The following MRE11 variants were observed in gnomAD, a reference collection of about 807,000 sequenced individuals.
MRE11 encodes MRE11 double strand break repair nuclease.
Under a neutral mutation model 91.7 loss-of-function variants are expected in MRE11, and 62 were observed. The observed-to-expected ratio is 0.68, with a 90% confidence interval of 0.55 to 0.84. The LOEUF (loss-of-function observed/expected upper bound fraction) is 0.84. Among genes scored for constraint, MRE11 ranks in the 40% least tolerant of loss-of-function variants. The pLI, the probability that MRE11 is intolerant of heterozygous loss-of-function variation, is 0.00. For synonymous variants in MRE11, 273 were observed against 271.4 expected (o/e 1.01, Z -0.06); for missense variants, 796 against 852.9 (o/e 0.93, Z 0.83).
intron 14 of MRE11, 152 bp downstream of exon 14, chr11:94,456,124 A>T: frequency 1.5e-6 from 1 of 680,136 alleles, no homozygotes; most frequent in Admixed American, 2.5e-5. Flanking sequence ...TTGTAGGCTG[A>T]ACTGAAATCA....
chr11:94,425,160 C>A (rs774437727), intron 19 of MRE11, among the ~76,000 whole-genome samples: 30 of 152,184 alleles, frequency 2.0e-4, no homozygotes, highest in Admixed American at 3.3e-4. Flanking sequence ...TCGGCAGAAA[C>A]CTTACAAGCC....
the MRE11 span, among the ~76,000 whole-genome samples, chr11:94,500,129 CCTT>C: frequency 6.6e-6 from 1 of 152,044 alleles, no homozygotes; most frequent in Non-Finnish European, 1.5e-5. Flanking sequence ...TAGAATAAGA[CCTT>C]ATTTATCCAA....
At chr11:94,448,175 G>GT (rs1945993956) in intron 14 of MRE11, among the ~76,000 whole-genome samples, 2 of 151,936 alleles carry the variant, frequency 1.3e-5, no homozygotes, top group East Asian at 1.9e-4. Flanking sequence ...GGGTGCTTTT[G>GT]TTTTTTGTTC....
At chr11:94,474,760 A>C (rs992386578) in intron 7 of MRE11, among the ~76,000 whole-genome samples, 3 of 152,152 alleles carry the variant, frequency 2.0e-5, no homozygotes, top group African/African-American at 7.2e-5. Context: ...AAAAATCAAC[A>C]TCATATGGTG....
At chr11:94,461,801 C>G (rs1257774) in intron 11 of MRE11, among the ~76,000 whole-genome samples, 2 of 151,978 alleles carry the variant, frequency 1.3e-5, no homozygotes, top group Admixed American at 6.6e-5. Context: ...GCAGACCAGG[C>G]GCGGTGGCTC....
At chr11:94,470,669 G>A (rs1946683634) in intron 8 of MRE11, 27 bp from the exon 9 acceptor site, 4 of 1,611,042 alleles carry the variant, frequency 2.5e-6, no homozygotes, top group Admixed American at 1.7e-5. Context: ...TGAACACCGA[G>A]TCACAGTGTA....
At chr11:94,432,645 A>G (rs1157805371) in intron 18 of MRE11, among the ~76,000 whole-genome samples, 1 of 152,134 alleles carries the variant, frequency 6.6e-6, no homozygotes, top group Non-Finnish European at 1.5e-5. Context: ...ATCTCTACTA[A>G]AAATACAAAA....
intron 13 of MRE11, among the ~76,000 whole-genome samples, chr11:94,457,887 T>TCTCTCACACACACACACACA (rs372404360): frequency 6.9e-6 from 1 of 144,220 alleles, no homozygotes; most frequent in African/African-American, 2.6e-5. Flanking sequence ...TCTCTCTCTC[T>TCTCTCACACACACACACACA]CACACACACA....
intron 19 of MRE11, among the ~76,000 whole-genome samples, chr11:94,423,003 G>A (rs1042388988): frequency 8.5e-5 from 13 of 152,132 alleles, no homozygotes; most frequent in African/African-American, 4.8e-5. Context: ...ATGAGCTACC[G>A]CGCCCAGCCT....
At chr11:94,461,798 A>C (rs914673817) in intron 11 of MRE11, among the ~76,000 whole-genome samples, 5 of 152,192 alleles carry the variant, frequency 3.3e-5, no homozygotes, top group Admixed American at 3.3e-4. Context: ...TGTGCAGACC[A>C]GGCGCGGTGG....
chr11:94,472,463 T>C (rs1426074193), intron 7 of MRE11, among the ~76,000 whole-genome samples: 2 of 152,122 alleles, frequency 1.3e-5, no homozygotes, highest in Non-Finnish European at 2.9e-5. Context: ...CAACAAATAC[T>C]GTTACCCAAA....
intron 11 of MRE11, among the ~76,000 whole-genome samples, chr11:94,462,043 C>G (rs1032141541): frequency 1.3e-5 from 2 of 152,104 alleles, no homozygotes; most frequent in African/African-American, 4.8e-5. Context: ...CCACTGCACT[C>G]CAGCCTGGGT....
chr11:94,470,077 T>C (rs1244316814), intron 9 of MRE11, among the ~76,000 whole-genome samples: 1 of 152,096 alleles, frequency 6.6e-6, no homozygotes, highest in East Asian at 1.9e-4. Context: ...AAGGGACGCC[T>C]AATACAGATT....
chr11:94,487,260 G>A (rs562281336), intron 3 of MRE11, among the ~76,000 whole-genome samples: 13 of 152,140 alleles, frequency 8.5e-5, no homozygotes, highest in African/African-American at 2.6e-4. Context: ...TTTATGTTAT[G>A]TATTTAATAT....
intron 4 of MRE11, among the ~76,000 whole-genome samples, chr11:94,480,069 T>A (rs1946975950): frequency 6.6e-6 from 1 of 152,178 alleles, no homozygotes; most frequent in Non-Finnish European, 1.5e-5. Flanking sequence ...ACTTAGCATA[T>A]GGTTTTTATT....
the MRE11 span, among the ~76,000 whole-genome samples, chr11:94,510,807 C>A: frequency 1.4e-4 from 22 of 152,080 alleles, no homozygotes; most frequent in African/African-American, 5.1e-4. Context: ...GTGAGAATGG[C>A]GATGAATTCA....
chr11:94,422,665 C>T (rs549760431), intron 19 of MRE11, among the ~76,000 whole-genome samples: 1 of 152,212 alleles, frequency 6.6e-6, no homozygotes. Flanking sequence ...ACATATGTTA[C>T]TTGTTAACTC....
intron 16 of MRE11, among the ~76,000 whole-genome samples, chr11:94,444,527 A>G (rs1945873823): frequency 6.6e-6 from 1 of 152,252 alleles, no homozygotes; most frequent in Non-Finnish European, 1.5e-5. Flanking sequence ...ACAGAAACTA[A>G]GAATCCATGA....
chr11:94,498,409 C>T (rs371935415), upstream of MRE11: 15 of 1,613,396 alleles, frequency 9.3e-6, no homozygotes, highest in African/African-American at 1.3e-4. Context: ...TGAACCGTTA[C>T]GTCAAACCAG....
Sources: gnomAD v4.1 joint callset for allele counts (sites outside exome capture counted in the v4.1 genomes callset) on GRCh38, gnomAD v4.1.1 for gene constraint, MANE v1.5 for transcripts, NCBI Gene and HGNC (gene_info 2026-07-23, HGNC 2026-07-21) for gene names.